The following CDYL variants were observed in gnomAD, a reference collection of about 807,000 sequenced individuals.
The protein encoded by CDYL is chromodomain Y-like protein.
A neutral mutation model predicts 47.3 loss-of-function variants in CDYL; 8 were observed. The ratio of observed to expected loss-of-function variants is 0.17; its 90% CI spans 0.10 to 0.31. The LOEUF (loss-of-function observed/expected upper bound fraction) is 0.31, where lower values mean the gene tolerates loss of function less well. CDYL is among the 10% of genes least tolerant of loss of function. CDYL has a pLI of 1.00. For synonymous variants in CDYL, 266 were observed against 265.0 expected (o/e 1.00, Z -0.04); for missense variants, 471 against 701.4 (o/e 0.67, Z 3.71).
At chr6:4,794,483 A>G (rs1400499896) in intron 1 of CDYL, among the ~76,000 whole-genome samples, 5 of 152,128 alleles carry the variant, frequency 3.3e-5, no homozygotes, top group Non-Finnish European at 7.3e-5. Flanking sequence ...GAAGGGTTTC[A>G]TGGAAAGAGA....
intron 1 of CDYL, among the ~76,000 whole-genome samples, chr6:4,871,387 A>G (rs1480518034): frequency 1.3e-5 from 2 of 152,136 alleles, no homozygotes; most frequent in Non-Finnish European, 2.9e-5. Context: ...AAAGTTTTGG[A>G]TTTTAGAGCA....
chr6:4,821,555 GA>G (rs1480875406), intron 1 of CDYL, among the ~76,000 whole-genome samples: 5 of 151,998 alleles, frequency 3.3e-5, no homozygotes, highest in Non-Finnish European at 5.9e-5. Flanking sequence ...CCAACATGGT[GA>G]AACCCCGTCT....
intron 1 of CDYL, among the ~76,000 whole-genome samples, chr6:4,884,550 T>C (rs1761850298): frequency 6.6e-6 from 1 of 152,102 alleles, no homozygotes. Flanking sequence ...ATCTTTTGCA[T>C]TTCTGTATGT....
chr6:4,826,165 AT>A (rs558225985), intron 1 of CDYL, among the ~76,000 whole-genome samples: 286 of 152,318 alleles, frequency 1.9e-3, no homozygotes, highest in Middle Eastern at 0.014. Context: ...GTGTGTGCAT[AT>A]TTACCTTATG....
chr6:4,797,005 T>C (rs185909687), intron 1 of CDYL, among the ~76,000 whole-genome samples: 6 of 152,316 alleles, frequency 3.9e-5, no homozygotes, highest in Non-Finnish European at 7.4e-5. Flanking sequence ...ATTAGTTTCT[T>C]TGAATTCTGC....
chr6:4,799,676 C>G (rs544827863), intron 1 of CDYL, among the ~76,000 whole-genome samples: 11 of 152,274 alleles, frequency 7.2e-5, no homozygotes, highest in Non-Finnish European at 8.8e-5. Context: ...GCTAGGCGAT[C>G]TGCCTGCCTT....
chr6:4,775,776 C>T (rs956210857), upstream of CDYL, among the ~76,000 whole-genome samples: 1 of 148,972 alleles, frequency 6.7e-6, no homozygotes, highest in African/African-American at 2.4e-5. The surrounding 1 kb of genome is among the most constrained non-coding windows in gnomAD (Gnocchi z 7.0). Flanking sequence ...GTGGGGCGGG[C>T]ATGGGGTGGG....
rs755598037 is a variant in CDYL, at chr6:4,897,063, TTCTC to T, written c.691+4688_691+4691del. The stretch of plus-strand genomic sequence containing the variant: ...TAGGTGATGCAGCTAGCTGTCTTCT[TTCTC>T]TCTATCAATGTTTAATGGTAATTTC... On this transcript the variant is annotated intron_variant, in intron 2 of 6. Transcript: ENST00000397588. Among the ~76,000 whole-genome samples, 80 of 152,362 alleles carry T rather than the reference TTCTC, an allele frequency of 5.3e-4. 1 individual carries two copies. The highest frequency in any genetic ancestry group is 1.3e-3 in the African/African-American group (52 of 41,596).
At chr6:4,844,517 C>T (rs151009695) in intron 1 of CDYL, among the ~76,000 whole-genome samples, 116 of 152,312 alleles carry the variant, frequency 7.6e-4, no homozygotes, top group African/African-American at 2.5e-3. Context: ...AGTCCCCACA[C>T]GCTGCTCTGT....
rs142424593 is a variant in CDYL at position 4,717,569 on chromosome 6, G to A, written c.103+1688G>A. Among the ~76,000 whole-genome samples, 737 of 151,802 alleles carry A rather than the reference G, an allele frequency of 4.9e-3. 8 individuals are homozygous for A. Among genetic ancestry groups the A allele is most frequent in the African/African-American group, 0.017 (691 of 41,374 alleles). On this transcript the variant is annotated intron_variant, in intron 2 of 8. Transcript: ENST00000328908. ...AAAAATTAGCTGGACACAGTGGCAT[G>A]TGCCTGTAGTCCCAGACACTCAGGA...
At chr6:4,832,032 T>G (rs1465668705) in intron 1 of CDYL, among the ~76,000 whole-genome samples, 5 of 152,030 alleles carry the variant, frequency 3.3e-5, no homozygotes, top group Non-Finnish European at 4.4e-5. Flanking sequence ...CAGGGACAAT[T>G]TGACTTCCTC....
chr6:4,867,916 G>A (rs1005581877), intron 1 of CDYL, among the ~76,000 whole-genome samples: 6 of 151,538 alleles, frequency 4.0e-5, no homozygotes, highest in African/African-American at 9.7e-5. Flanking sequence ...AGAGTATATC[G>A]TGTTTCCTTC....
At chr6:4,825,631 A>G (rs1382489469) in intron 1 of CDYL, among the ~76,000 whole-genome samples, 1 of 152,102 alleles carries the variant, frequency 6.6e-6, no homozygotes, top group Admixed American at 6.5e-5. Context: ...AATGCAATAT[A>G]TTACATTGAT....
chr6:4,739,406 C>A (rs1376619308), intron 3 of CDYL, among the ~76,000 whole-genome samples: 1 of 150,358 alleles, frequency 6.7e-6, no homozygotes, highest in Non-Finnish European at 1.5e-5. Flanking sequence ...GTAATCCCAG[C>A]TACTCAGGAG....
chr6:4,803,233 A>G (rs1759275873), intron 1 of CDYL, among the ~76,000 whole-genome samples: 1 of 152,074 alleles, frequency 6.6e-6, no homozygotes, highest in Non-Finnish European at 1.5e-5. Context: ...GTGCCTGTTG[A>G]CAGTGTCAGG....
In CDYL at chr6:4,937,501, A is replaced by C. The variant is rs1758233706; in HGVS notation, c.949-64A>C. 10 of 1,334,756 alleles carry C rather than the reference A, an allele frequency of 7.5e-6. No homozygotes were observed. In the South Asian group the frequency reaches 1.6e-4, roughly 21 times the overall value. 82.7% of individuals were successfully genotyped at this position (1,334,756 alleles called of 1,614,324 possible). A position where few individuals can be genotyped will look rare whatever the true frequency, so the allele number is the denominator to read the frequency against. On this transcript the variant is annotated intron_variant, in intron 3 of 6. Transcript: ENST00000397588. ...ACAGAGTGAGACTCTCTCCAAAAAA[A>C]AAAATGCTTTAAGATTTTAAACCCA...
At chr6:4,881,329 A>T (rs891502682) in intron 1 of CDYL, among the ~76,000 whole-genome samples, 2 of 151,586 alleles carry the variant, frequency 1.3e-5, no homozygotes, top group African/African-American at 4.9e-5. Flanking sequence ...ATACTTGTTG[A>T]TATTATTATG....
intron 3 of CDYL, among the ~76,000 whole-genome samples, chr6:4,763,249 T>C (rs972515590): frequency 2.0e-5 from 3 of 152,170 alleles, no homozygotes; most frequent in Non-Finnish European, 2.9e-5. Flanking sequence ...TAGATGTTTT[T>C]ATAGCAGAAG....
At chr6:4,784,992 T>C (rs2127431999) in intron 1 of CDYL, among the ~76,000 whole-genome samples, 1 of 152,306 alleles carries the variant, frequency 6.6e-6, no homozygotes, top group African/African-American at 2.4e-5. Flanking sequence ...CCCCCAGCCA[T>C]GTGGAACTGA....
Sources: gnomAD v4.1 joint callset for allele counts (sites outside exome capture counted in the v4.1 genomes callset) on GRCh38, gnomAD v4.1.1 for gene constraint, Gnocchi (gnomAD v3.1) non-coding constraint, MANE v1.5 for transcripts, NCBI Gene and HGNC (gene_info 2026-07-23, HGNC 2026-07-21) for gene names.